The following WDR59 variants were observed in gnomAD, a reference collection of about 807,000 sequenced individuals.
WDR59 encodes WD repeat domain 59, also known as GATOR2 complex protein WDR59.
Under a neutral mutation model 131.2 loss-of-function variants are expected in WDR59, and 100 were observed. The observed-to-expected ratio is 0.76, with a 90% confidence interval of 0.65 to 0.90. WDR59 has a LOEUF of 0.90. Ranked by LOEUF, WDR59 falls within the 40% of genes least tolerant of loss-of-function variation. WDR59 has a pLI of 0.00. For synonymous variants in WDR59, 601 were observed against 466.2 expected (o/e 1.29, Z -3.72); for missense variants, 1,203 against 1,262.2 (o/e 0.95, Z 0.71).
chr16:74,946,484 G>A (rs1181479603), intron 6 of WDR59, among the ~76,000 whole-genome samples: 1 of 152,156 alleles, frequency 6.6e-6, no homozygotes, highest in Non-Finnish European at 1.5e-5. Context: ...CACTTTAGGA[G>A]GCCGAGGCAG....
At position 74,874,017 on chromosome 16, in the gene WDR59, T is replaced by C. The variant is rs1221688052; in HGVS notation, c.*192A>G. On this transcript the variant is annotated 3_prime_UTR_variant, in exon 26 of 26. Coordinates refer to ENST00000262144, the MANE Select transcript of WDR59 (RefSeq NM_030581.4). ...CTGTCCTTATCTTCACACAGTGACATCCACACCAGGTGGCCAAACAGAAGA... is the reference window on the plus strand; with the variant it reads ...CTGTCCTTATCTTCACACAGTGACACCCACACCAGGTGGCCAAACAGAAGA... 3 of 593,686 alleles carry C rather than the reference T, an allele frequency of 5.1e-6. No homozygotes were observed. Among genetic ancestry groups the C allele is most frequent in the Non-Finnish European group, 9.0e-6 (3 of 333,444 alleles). 36.8% of individuals were successfully genotyped at this position (593,686 alleles called of 1,614,324 possible). A position where few individuals can be genotyped will look rare whatever the true frequency, so the allele number is the denominator to read the frequency against.
intron 8 of WDR59, among the ~76,000 whole-genome samples, chr16:74,930,566 T>G (rs4887794): frequency 0.12 from 17,765 of 151,924 alleles, 1,151 homozygotes; most frequent in African/African-American, 0.16. Context: ...AAACAAACTT[T>G]ATGAAAGTTT....
At chr16:74,911,388 A>C (rs1966079590) in intron 14 of WDR59, among the ~76,000 whole-genome samples, 1 of 152,226 alleles carries the variant, frequency 6.6e-6, no homozygotes, top group Admixed American at 6.5e-5. Context: ...AGGTGGAACA[A>C]TCAAGTGTCC....
chr16:74,946,789 A>C (rs2032668957), intron 6 of WDR59, among the ~76,000 whole-genome samples: 1 of 152,178 alleles, frequency 6.6e-6, no homozygotes, highest in African/African-American at 2.4e-5. Context: ...CCAGCTGCTA[A>C]TACAGTCATG....
chr16:74,956,608 C>T lies in WDR59; in HGVS notation c.107G>A (p.Arg36His), dbSNP rs747491766. The T allele has an allele frequency of 2.0e-5, 33 of 1,613,478 alleles. No homozygotes were observed. Among genetic ancestry groups the T allele is most frequent in the African/African-American group, 4.0e-5 (3 of 74,986 alleles). ...CLGQHAVLSG[R>H]RFLYIVNLDA... is the part of the protein sequence containing the mutation. ...TAGATTGACGATGTATAAGAATCTG[C>T]GGCTAGAGACCAACATCAACATTAT... The change falls in exon 3 of 26, where the codon CGC (arginine) becomes CAC (histidine). Residue 36 changes from arginine (R) to histidine (H), a missense_variant and splice_region_variant. Coordinates refer to ENST00000262144, the MANE Select transcript of WDR59 (RefSeq NM_030581.4).
chr16:74,878,757 T>A (rs1964337289), intron 25 of WDR59, among the ~76,000 whole-genome samples: 1 of 152,206 alleles, frequency 6.6e-6, no homozygotes, highest in Non-Finnish European at 1.5e-5. Context: ...AGCCTGGAGA[T>A]TTGTCAACGT....
chr16:74,976,662 C>T lies in WDR59; in HGVS notation c.54+8302G>A, dbSNP rs1012059617. On this transcript the variant is annotated intron_variant, in intron 1 of 25. Transcript: ENST00000262144. ...TTCACTGTGTTAGCCAGGATGGTCT[C>T]GATCTTCTGACCTTGTGATCCGCCC... Among the ~76,000 whole-genome samples the T allele has an allele frequency of 3.9e-5, 6 of 152,160 alleles. No homozygotes were observed. In the East Asian group the frequency reaches 9.7e-4, roughly 24 times the overall value.
chr16:74,961,154 A>AG (rs2033548280), intron 2 of WDR59, among the ~76,000 whole-genome samples: 1 of 149,656 alleles, frequency 6.7e-6, no homozygotes. Flanking sequence ...AAAAAAAAAA[A>AG]CTTAGCCAGA....
intron 8 of WDR59, among the ~76,000 whole-genome samples, chr16:74,935,474 T>C (rs1295902196): frequency 6.6e-6 from 1 of 152,176 alleles, no homozygotes; most frequent in Non-Finnish European, 1.5e-5. Flanking sequence ...TGTAGTTAAA[T>C]AATTTATAAA....
intron 6 of WDR59, among the ~76,000 whole-genome samples, chr16:74,945,370 G>T (rs576177278): frequency 1.3e-5 from 2 of 151,836 alleles, no homozygotes; most frequent in South Asian, 4.2e-4. Context: ...CCAGCTACTC[G>T]GGAGGCTGAG....
Position 74,938,259 on chromosome 16 carries a change from C to T in WDR59, c.542G>A (p.Ser181Asn). ...GGCGGCTAGATATTCCACTGCTGTA[C>T]TGGGTTTCTGCAACAGATCAGCACC... ...DVRIWDKRKP[S>N]TAVEYLAAHL... The change falls in exon 8 of 26, where the codon AGT (serine) becomes AAT (asparagine). Residue 181 changes from serine (S) to asparagine (N), a missense_variant. Coordinates refer to ENST00000262144, the MANE Select transcript of WDR59 (RefSeq NM_030581.4). 4.6e-6 allele frequency: 7 copies of T among 1,535,940 alleles called. No individual in the cohort carries two copies. The highest frequency in any genetic ancestry group is 2.5e-5 in the East Asian group (1 of 40,738).
chr16:74,978,550 A>G (rs2034277705), intron 1 of WDR59, among the ~76,000 whole-genome samples: 2 of 152,188 alleles, frequency 1.3e-5, no homozygotes, highest in African/African-American at 2.4e-5. Flanking sequence ...GCTACACATC[A>G]TATCACATGA....
intron 1 of WDR59, among the ~76,000 whole-genome samples, chr16:74,976,216 T>C (rs1403842650): frequency 1.3e-5 from 2 of 152,072 alleles, no homozygotes; most frequent in African/African-American, 4.8e-5. Context: ...ATAATTTGAG[T>C]TGTGCTTTTT....
intron 8 of WDR59, among the ~76,000 whole-genome samples, chr16:74,926,416 T>A (rs564049822): frequency 1.3e-5 from 2 of 152,114 alleles, no homozygotes; most frequent in Admixed American, 6.6e-5. Flanking sequence ...GAAGTAATAT[T>A]TGAAGACAGA....
intron 8 of WDR59, among the ~76,000 whole-genome samples, chr16:74,932,482 T>A (rs908439379): frequency 6.6e-6 from 1 of 150,582 alleles, no homozygotes; most frequent in Admixed American, 6.6e-5. Flanking sequence ...TCCTGGCTCC[T>A]TATTTTGATA....
At chr16:74,971,208 A>C (rs1013230359) in intron 1 of WDR59, among the ~76,000 whole-genome samples, 1 of 152,134 alleles carries the variant, frequency 6.6e-6, no homozygotes, top group Non-Finnish European at 1.5e-5. Context: ...GAGTTTATCT[A>C]AACTTTTAAA....
chr16:74,887,718 G>C lies in WDR59; in HGVS notation c.2384C>G (p.Ser795Ter), dbSNP rs1373304354. 1 of 1,614,128 alleles carries C rather than the reference G, an allele frequency of 6.2e-7. No individual in the cohort carries two copies. Among genetic ancestry groups the C allele is most frequent in the Non-Finnish European group, 8.5e-7 (1 of 1,180,006 alleles). ...FTSSGSCSSM[S>*]DPGLNTGGWN... ...GCCGCCAGTGTTGAGCCCTGGGTCTGACATACTGGAGCAGGAACCAGAAGA... is the reference window on the plus strand; with the variant it reads ...GCCGCCAGTGTTGAGCCCTGGGTCTCACATACTGGAGCAGGAACCAGAAGA... Residue 795 changes from serine (S) to a stop codon, truncating the protein, a stop_gained, in exon 23 of 26, where the codon TCA (serine) becomes TGA (stop). Transcript: ENST00000262144. LOFTEE classifies it high-confidence loss of function.
chr16:74,874,476 G>C, intron 25 of WDR59, 32 bp from the exon 26 acceptor site: 1 of 1,601,026 alleles, frequency 6.2e-7, no homozygotes, highest in Non-Finnish European at 8.5e-7. Flanking sequence ...CAAAACAAGA[G>C]GCAGCATGAG....
At chr16:74,941,667 G>A (rs1201469711) in intron 7 of WDR59, among the ~76,000 whole-genome samples, 1 of 150,524 alleles carries the variant, frequency 6.6e-6, no homozygotes, top group African/African-American at 2.5e-5. Context: ...ACTCCAGCCT[G>A]GACGACAGAA....
Sources: allele counts gnomAD v4.1 joint callset (sites outside exome capture counted in the v4.1 genomes callset), GRCh38; gene constraint gnomAD v4.1.1; transcripts MANE v1.5; gene names NCBI Gene and HGNC (gene_info 2026-07-23, HGNC 2026-07-21).